The following SNX8 variants were observed in gnomAD, a reference collection of about 807,000 sequenced individuals.
The protein encoded by SNX8 is sorting nexin 8.
A neutral mutation model predicts 51.6 loss-of-function variants in SNX8; 25 were observed. That is an observed-to-expected ratio of 0.48 (90% CI 0.35 to 0.68). The LOEUF is 0.68. Among genes scored for constraint, SNX8 ranks in the 30% least tolerant of loss-of-function variants. SNX8 has a pLI of 0.00. For missense variants in SNX8, 695 were observed against 624.0 expected (o/e 1.11, Z -1.21); for synonymous variants, 324 against 277.0 (o/e 1.17, Z -1.68).
chr7:2,259,798 G>A (rs1227068485), intron 7 of SNX8, among the ~76,000 whole-genome samples: 1 of 152,154 alleles, frequency 6.6e-6, no homozygotes, highest in African/African-American at 2.4e-5. Flanking sequence ...CCCAGCAGAA[G>A]AGGGGGAGTT....
chr7:2,341,814 C>T (rs1394389870), intron 1 of SNX8, among the ~76,000 whole-genome samples: 1 of 151,876 alleles, frequency 6.6e-6, no homozygotes, highest in Non-Finnish European at 1.5e-5. Flanking sequence ...TGGTGAAGCC[C>T]CGTCTCTACT....
chr7:2,320,483 G>A (rs1354825876), intron 1 of SNX8, among the ~76,000 whole-genome samples: 1 of 152,158 alleles, frequency 6.6e-6, no homozygotes, highest in Non-Finnish European at 1.5e-5. Context: ...CAGTTTGGGA[G>A]GCCAAGGCAG....
intron 7 of SNX8, among the ~76,000 whole-genome samples, chr7:2,260,720 G>A (rs536291545): frequency 4.0e-4 from 61 of 152,234 alleles, no homozygotes; most frequent in African/African-American, 1.3e-3. Flanking sequence ...GAAAGGCCTC[G>A]AGGTTTGTTT....
chr7:2,301,580 T>C (rs1225933839), intron 1 of SNX8, among the ~76,000 whole-genome samples: 1 of 152,184 alleles, frequency 6.6e-6, no homozygotes. Context: ...TTTAATTATA[T>C]GCAAACTAAG....
intron 1 of SNX8, among the ~76,000 whole-genome samples, chr7:2,285,386 C>T (rs1796005259): frequency 6.6e-6 from 1 of 152,102 alleles, no homozygotes; most frequent in Non-Finnish European, 1.5e-5. Context: ...GAGACTCAGT[C>T]TCAAAACAAA....
intron 1 of SNX8, among the ~76,000 whole-genome samples, chr7:2,330,952 A>G (rs1778723355): frequency 6.6e-6 from 1 of 152,076 alleles, no homozygotes. Flanking sequence ...TGGGAGGCCG[A>G]GGCAGGTGGG....
At chr7:2,350,051 A>G (rs1000729821) in intron 1 of SNX8, among the ~76,000 whole-genome samples, 9 of 152,118 alleles carry the variant, frequency 5.9e-5, no homozygotes, top group African/African-American at 2.2e-4. Context: ...CATGGCTCCC[A>G]GGCTCAGGGA....
At position 2,263,436 on chromosome 7, in the gene SNX8, C is replaced by T. The variant is rs77587101; in HGVS notation, c.783-74G>A. 7,454 of 1,444,352 alleles carry T rather than the reference C, an allele frequency of 5.2e-3. 314 individuals carry two copies. In the African/African-American group the frequency reaches 0.09, roughly 17 times the overall value. 89.5% of individuals were successfully genotyped at this position (1,444,352 alleles called of 1,614,324 possible). On this transcript the variant is annotated intron_variant, in intron 6 of 10. Transcript: ENST00000222990. ...ACCTGGCAGTCGAGTCTGGCATCCC[C>T]CCCGACAGATGTCCTCCACGGCAAC...
At chr7:2,308,156 T>C (rs1034109032) in intron 1 of SNX8, among the ~76,000 whole-genome samples, 8 of 151,964 alleles carry the variant, frequency 5.3e-5, no homozygotes, top group Admixed American at 4.6e-4. Flanking sequence ...ACATAAGAAA[T>C]ATAATACAAA....
At chr7:2,343,395 G>A (rs1273606084) in intron 1 of SNX8, among the ~76,000 whole-genome samples, 1 of 152,058 alleles carries the variant, frequency 6.6e-6, no homozygotes, top group Non-Finnish European at 1.5e-5. Flanking sequence ...GCTCATACAG[G>A]CCGGGCATGG....
At chr7:2,335,612 T>C (rs201093189) in intron 1 of SNX8, among the ~76,000 whole-genome samples, 1 of 151,536 alleles carries the variant, frequency 6.6e-6, no homozygotes, top group East Asian at 2.0e-4. Context: ...ACCATCCTGG[T>C]TAACACGGTG....
intron 1 of SNX8, among the ~76,000 whole-genome samples, chr7:2,281,903 C>G (rs886115761): frequency 1.5e-4 from 23 of 152,140 alleles, no homozygotes; most frequent in African/African-American, 5.3e-4. Flanking sequence ...CAGCAACCCC[C>G]CACAGGCCCC....
At chr7:2,342,846 G>C (rs1278382462) in intron 1 of SNX8, among the ~76,000 whole-genome samples, 1 of 151,260 alleles carries the variant, frequency 6.6e-6, no homozygotes, top group African/African-American at 2.4e-5. Flanking sequence ...TTTTTGAGAC[G>C]GAGTCTCGCT....
At chr7:2,298,076 A>C (rs957806690) in intron 1 of SNX8, among the ~76,000 whole-genome samples, 5 of 152,060 alleles carry the variant, frequency 3.3e-5, no homozygotes, top group Non-Finnish European at 7.3e-5. Context: ...AAAAAATGTT[A>C]AAGCACCTAG....
chr7:2,314,299 G>A, intron 1 of SNX8, 29 bp downstream of exon 1: 1 of 1,219,382 alleles, frequency 8.2e-7, no homozygotes, highest in East Asian at 3.3e-5. Flanking sequence ...CCCTGGGCAG[G>A]TGGGGGCTAC....
intron 1 of SNX8, among the ~76,000 whole-genome samples, chr7:2,348,864 A>G (rs1779083528): frequency 6.6e-6 from 1 of 151,036 alleles, no homozygotes; most frequent in African/African-American, 2.4e-5. Flanking sequence ...AGGCAGAAGA[A>G]TCATTTGAAC....
chr7:2,275,795 G>A (rs886397325), intron 2 of SNX8, among the ~76,000 whole-genome samples: 8 of 151,684 alleles, frequency 5.3e-5, no homozygotes, highest in East Asian at 1.9e-4. Context: ...TCAGGAGATC[G>A]AGACCATCCT....
intron 1 of SNX8, among the ~76,000 whole-genome samples, chr7:2,282,727 A>G (rs937347389): frequency 3.9e-5 from 6 of 152,224 alleles, no homozygotes; most frequent in African/African-American, 1.4e-4. Flanking sequence ...CTGAATTCCC[A>G]GCACTTTGGG....
In SNX8 at chr7:2,347,494, A is replaced by AAG. The variant is rs1554270611; in HGVS notation, c.-66+6727_-66+6728insCT. Among the ~76,000 whole-genome samples, 77 of 116,444 alleles carry AAG rather than the reference A, an allele frequency of 6.6e-4. 1 individual carries two copies. Among genetic ancestry groups the AAG allele is most frequent in the Non-Finnish European group, 8.9e-4 (48 of 53,844 alleles). The allele number at this position is 116,444 out of a possible 152,430, so 76.4% of individuals were successfully genotyped here. A position where few individuals can be genotyped will look rare whatever the true frequency, so the allele number is the denominator to read the frequency against. ...AGATGCTGTCTCAAAAAAAAAAAAA[A>AAG]AAAAAGAAAAAAAAAAGAGCCTTTG... is the stretch of plus-strand genomic sequence containing the variant. On this transcript the variant is annotated intron_variant, in intron 1 of 5. Coordinates refer to the SNX8 transcript ENST00000435336.
Sources: gnomAD v4.1 joint callset for allele counts (sites outside exome capture counted in the v4.1 genomes callset) on GRCh38, gnomAD v4.1.1 for gene constraint, MANE v1.5 for transcripts, NCBI Gene and HGNC (gene_info 2026-07-23, HGNC 2026-07-21) for gene names.